Variants in DPP10 observed in about 807,000 individuals in gnomAD.
DPP10 encodes dipeptidyl peptidase like 10, also known as inactive dipeptidyl peptidase 10.
DPP10 carries 33 observed loss-of-function variants against 120.9 expected under a neutral mutation model. The observed-to-expected ratio is 0.27, with a 90% CI of 0.21 to 0.37. DPP10 has a LOEUF of 0.37. Ranked by LOEUF, DPP10 falls within the 10% of genes least tolerant of loss-of-function variation. The pLI is 1.00. For synonymous variants in DPP10, 337 were observed against 326.1 expected (o/e 1.03, Z -0.36); for missense variants, 816 against 942.8 (o/e 0.87, Z 1.76).
At chr2:115,534,109 TA>T (rs1216231890) in intron 5 of DPP10, among the ~76,000 whole-genome samples, 5 of 151,618 alleles carry the variant, frequency 3.3e-5, no homozygotes, top group East Asian at 3.9e-4. Context: ...TTTTATTTTT[TA>T]TTTTTTTTTA....
At chr2:114,792,326 A>G (rs1319295210) in intron 1 of DPP10, among the ~76,000 whole-genome samples, 2 of 152,212 alleles carry the variant, frequency 1.3e-5, no homozygotes, top group Non-Finnish European at 2.9e-5. Flanking sequence ...GTTATACATA[A>G]GGCACCCCTC....
intron 1 of DPP10, among the ~76,000 whole-genome samples, chr2:114,619,633 A>G (rs565683300): frequency 6.6e-6 from 1 of 152,194 alleles, no homozygotes; most frequent in Admixed American, 6.6e-5. Flanking sequence ...ATAAAATTAA[A>G]TTAAAATAAG....
chr2:115,177,684 C>A (rs1559190532), intron 1 of DPP10, among the ~76,000 whole-genome samples: 1 of 152,132 alleles, frequency 6.6e-6, no homozygotes, highest in Admixed American at 6.5e-5. Flanking sequence ...CATTCTTTAC[C>A]TCTCCTTTTA....
At chr2:114,581,864 T>C (rs907743322) in intron 1 of DPP10, among the ~76,000 whole-genome samples, 2 of 152,204 alleles carry the variant, frequency 1.3e-5, no homozygotes, top group Non-Finnish European at 2.9e-5. Context: ...AGTATGCATA[T>C]ATCTGCCACA....
At chr2:115,641,306 C>T (rs371161178) in intron 5 of DPP10, among the ~76,000 whole-genome samples, 3 of 152,178 alleles carry the variant, frequency 2.0e-5, no homozygotes, top group East Asian at 3.9e-4. Context: ...AGTTTTGCCA[C>T]GGCATCAAGG....
intron 1 of DPP10, among the ~76,000 whole-genome samples, chr2:114,916,711 T>C (rs1210251811): frequency 6.6e-6 from 1 of 151,780 alleles, no homozygotes; most frequent in Non-Finnish European, 1.5e-5. Flanking sequence ...TAAAGAGAAC[T>C]TAAAAACCAC....
chr2:114,555,610 A>G (rs1688226436), intron 1 of DPP10, among the ~76,000 whole-genome samples: 1 of 152,216 alleles, frequency 6.6e-6, no homozygotes, highest in Non-Finnish European at 1.5e-5. Flanking sequence ...TTCTAGGCAG[A>G]AAGGATTCAT....
intron 1 of DPP10, among the ~76,000 whole-genome samples, chr2:114,851,916 C>G (rs1688972522): frequency 6.6e-6 from 1 of 152,016 alleles, no homozygotes; most frequent in Admixed American, 6.6e-5. Context: ...CTTTATTTCT[C>G]TTGGAGTTTT....
chr2:114,538,630 G>A (rs536897663), intron 1 of DPP10, among the ~76,000 whole-genome samples: 1 of 152,298 alleles, frequency 6.6e-6, no homozygotes, highest in East Asian at 1.9e-4. Flanking sequence ...GTGAGGGTAA[G>A]TTAGGCTAGT....
At chr2:114,531,606 A>T (rs1398878108) in intron 1 of DPP10, among the ~76,000 whole-genome samples, 2 of 146,174 alleles carry the variant, frequency 1.4e-5, no homozygotes, top group Non-Finnish European at 3.0e-5. Flanking sequence ...GAATACATAT[A>T]TATATATACC....
chr2:115,551,447 G>A (rs1003666336), intron 5 of DPP10, among the ~76,000 whole-genome samples: 1 of 152,070 alleles, frequency 6.6e-6, no homozygotes, highest in Admixed American at 6.6e-5. Context: ...CTGTGGCTAT[G>A]GATTCTCTCT....
chr2:115,607,136 C>T (rs1339573723), intron 5 of DPP10, among the ~76,000 whole-genome samples: 2 of 152,136 alleles, frequency 1.3e-5, no homozygotes, highest in African/African-American at 4.8e-5. Context: ...CATGAAGTGC[C>T]CTTATGACTT....
chr2:114,481,073 G>T (rs1276398062), intron 1 of DPP10, among the ~76,000 whole-genome samples: 1 of 151,530 alleles, frequency 6.6e-6, no homozygotes, highest in Non-Finnish European at 1.5e-5. Context: ...TGAGACAAAT[G>T]GTTTTTAGAT....
intron 21 of DPP10, among the ~76,000 whole-genome samples, chr2:115,830,788 GT>G (rs1161552425): frequency 1.3e-5 from 2 of 152,150 alleles, no homozygotes; most frequent in African/African-American, 4.8e-5. Flanking sequence ...AGAAGGCAAT[GT>G]AAGGAGATAA....
intron 1 of DPP10, among the ~76,000 whole-genome samples, chr2:114,777,997 A>G (rs1681914892): frequency 6.6e-6 from 1 of 152,118 alleles, no homozygotes; most frequent in Non-Finnish European, 1.5e-5. Flanking sequence ...GTCTTTCATT[A>G]GTTAGCTGAC....
intron 1 of DPP10, among the ~76,000 whole-genome samples, chr2:114,612,457 G>A (rs1028953173): frequency 3.3e-5 from 5 of 152,056 alleles, no homozygotes; most frequent in African/African-American, 1.2e-4. Flanking sequence ...CAATTTGAAC[G>A]TTTGGTGCTT....
chr2:115,460,622 A>C (rs1386727752), intron 3 of DPP10, among the ~76,000 whole-genome samples: 2 of 152,138 alleles, frequency 1.3e-5, no homozygotes, highest in Non-Finnish European at 2.9e-5. Flanking sequence ...CTACTTTGAC[A>C]GGGTAGAGTT....
chr2:114,663,640 G>T lies in DPP10; in HGVS notation c.60+220802G>T, dbSNP rs1043858450. Among the ~76,000 whole-genome samples the T allele has an allele frequency of 1.3e-3, 139 of 107,878 alleles. 1 individual carries two copies. The highest frequency in any genetic ancestry group is 6.5e-3 in the African/African-American group (133 of 20,410). 70.8% of individuals were successfully genotyped at this position (107,878 alleles called of 152,430 possible). On this transcript the variant is annotated intron_variant, in intron 1 of 25. Coordinates refer to ENST00000410059, the MANE Select transcript of DPP10 (RefSeq NM_020868.6). ...ATATATGTCTATATATACATGTACA[G>T]ATATATATATATATATATATATATA...
At chr2:115,396,071 T>C (rs2067657978) in intron 3 of DPP10, among the ~76,000 whole-genome samples, 1 of 152,194 alleles carries the variant, frequency 6.6e-6, no homozygotes, top group Admixed American at 6.5e-5. Flanking sequence ...ACTGCTCAAG[T>C]TGGCTGGGCC....
Sources: gnomAD v4.1 joint callset for allele counts (sites outside exome capture counted in the v4.1 genomes callset) on GRCh38, gnomAD v4.1.1 for gene constraint, MANE v1.5 for transcripts, NCBI Gene and HGNC (gene_info 2026-07-23, HGNC 2026-07-21) for gene names.